The following SLC16A7 variants were observed in gnomAD, a reference collection of about 807,000 sequenced individuals.
The protein encoded by SLC16A7 is monocarboxylate transporter 2.
A neutral mutation model predicts 34.9 loss-of-function variants in SLC16A7; 33 were observed. The observed-to-expected ratio is 0.94, with a 90% confidence interval of 0.72 to 1.26. The LOEUF is 1.26. Among genes scored for constraint, SLC16A7 ranks in the 50% most tolerant of loss-of-function variants. The pLI is 0.00. For missense variants in SLC16A7, 573 were observed against 578.1 expected, an observed-to-expected ratio of 0.99 and a Z score of 0.09; for synonymous variants, 201 against 206.6, an observed-to-expected ratio of 0.97 and a Z score of 0.23.
chr12:59,644,839 T>A (rs1880838785), intron 1 of SLC16A7, among the ~76,000 whole-genome samples: 1 of 152,214 alleles, frequency 6.6e-6, no homozygotes, highest in Non-Finnish European at 1.5e-5. Context: ...TTTGTAATTA[T>A]CTGCAAACCT....
intron 5 of SLC16A7, among the ~76,000 whole-genome samples, chr12:59,776,497 A>C (rs1284626121): frequency 6.6e-6 from 1 of 152,188 alleles, no homozygotes; most frequent in Non-Finnish European, 1.5e-5. Flanking sequence ...TACCGGACTT[A>C]AGTATTCACT....
rs938724504 is a variant in SLC16A7, at chr12:59,784,758, A to G, written c.*5079A>G. 74 of 152,244 alleles carry G rather than the reference A, an allele frequency of 4.9e-4. No homozygotes were observed. Among genetic ancestry groups the G allele is most frequent in the African/African-American group, 1.5e-3 (63 of 41,470 alleles). 9.4% of individuals were successfully genotyped at this position (152,244 alleles called of 1,614,324 possible). On this transcript the variant is annotated 3_prime_UTR_variant, in exon 6 of 6. Transcript: ENST00000547379. ...AAAGTCAGCCATGATGCACATATTT[A>G]TAATTACATACACATATAATTGAAT...
Position 59,779,662 on chromosome 12 carries a change from AG to A in SLC16A7, c.1421del (p.Arg474LysfsTer20), listed in dbSNP as rs1323929914. ...AAATGCACAGAGTGTAACCTCAGAAAGAGAAACTAACATTTAACAAGAATCA... is the reference window on the plus strand; with the variant it reads ...AAATGCACAGAGTGTAACCTCAGAAAAGAAACTAACATTTAACAAGAATCA... ...VSNAQSVTSE[R>X]ETNI On this transcript the variant is annotated frameshift_variant, in exon 6 of 6. Transcript: ENST00000547379. LOFTEE classifies it high-confidence loss of function. 6.2e-7 allele frequency: 1 copy of A among 1,609,436 alleles called. No homozygotes were observed. Among genetic ancestry groups the A allele is most frequent in the Non-Finnish European group, 8.5e-7 (1 of 1,177,202 alleles).
At chr12:59,671,239 T>C (rs1869656003) in intron 2 of SLC16A7, among the ~76,000 whole-genome samples, 1 of 152,202 alleles carries the variant, frequency 6.6e-6, no homozygotes. Context: ...TTAGTCCTTT[T>C]AGAAAACCAC....
At position 59,771,239 on chromosome 12, in the gene SLC16A7, G is replaced by C. The variant is rs1428095096; in HGVS notation, c.238G>C (p.Val80Leu). The change falls in exon 4 of 6, where the codon GTG becomes CTG. Residue 80 changes from valine (V) to leucine (L), a missense_variant. Val to Leu is a conservative substitution (Grantham distance 32). Coordinates refer to ENST00000547379, the MANE Select transcript of SLC16A7 (RefSeq NM_001270623.2). ...YAGGPVSSVL[V>L]NKYGSRPVVI... ...TGTAGGTCCTGTAAGTAGTGTTTTG[G>C]TGAATAAATACGGCAGCCGGCCGGT... 2 of 1,612,934 alleles carry C rather than the reference G, an allele frequency of 1.2e-6. No homozygotes were observed. Among genetic ancestry groups the C allele is most frequent in the African/African-American group, 2.7e-5 (2 of 74,828 alleles).
At chr12:59,632,266 C>T (rs1880216952) in intron 1 of SLC16A7, among the ~76,000 whole-genome samples, 1 of 151,932 alleles carries the variant, frequency 6.6e-6, no homozygotes, top group Non-Finnish European at 1.5e-5. Context: ...GCACTTTTAA[C>T]AAAGTATGAT....
In SLC16A7 at chr12:59,633,594, G is replaced by A. The variant is rs150212648; in HGVS notation, c.-129-21558G>A. The stretch of plus-strand genomic sequence containing the variant: ...TTCAGCTTCATAGCTCACTGTATTA[G>A]TCCATTTTTACACTGCTATAAGTAA... On this transcript the variant is annotated intron_variant, in intron 1 of 5. Transcript: ENST00000547379. 1.6e-4 allele frequency among the ~76,000 whole-genome samples: 24 copies of A among 151,554 alleles called. No individual in the cohort carries two copies. The South Asian group carries it at 2.1e-3, about 13-fold the overall frequency.
At chr12:59,774,308 C>G (rs551452385) in intron 4 of SLC16A7, among the ~76,000 whole-genome samples, 1 of 152,098 alleles carries the variant, frequency 6.6e-6, no homozygotes, top group East Asian at 1.9e-4. Flanking sequence ...AAGTATATGT[C>G]AAGAGGAAAG....
chr12:59,606,192 A>G (rs1296445833), intron 1 of SLC16A7, among the ~76,000 whole-genome samples: 1 of 152,206 alleles, frequency 6.6e-6, no homozygotes, highest in Non-Finnish European at 1.5e-5. Context: ...TCTTTTCAAG[A>G]TGGATAAAAT....
intron 1 of SLC16A7, among the ~76,000 whole-genome samples, chr12:59,614,947 G>T (rs1461265194): frequency 6.6e-6 from 1 of 151,072 alleles, no homozygotes; most frequent in East Asian, 1.9e-4. Flanking sequence ...AGTTTGCAGT[G>T]AGCCGAGATC....
At chr12:59,696,868 G>A (rs527524461) in intron 2 of SLC16A7, among the ~76,000 whole-genome samples, 6 of 151,982 alleles carry the variant, frequency 3.9e-5, no homozygotes, top group South Asian at 2.1e-4. Flanking sequence ...TGTGAGTGGC[G>A]CCTTGCACCC....
At chr12:59,770,880 T>G (rs1882155894) in intron 3 of SLC16A7, among the ~76,000 whole-genome samples, 1 of 152,224 alleles carries the variant, frequency 6.6e-6, no homozygotes, top group Non-Finnish European at 1.5e-5. Flanking sequence ...TTTTGTTACA[T>G]AAATTTACTT....
Position 59,785,775 on chromosome 12 carries a change from A to G in SLC16A7, c.*6096A>G, listed in dbSNP as rs1267162662. On this transcript the variant is annotated 3_prime_UTR_variant, in exon 6 of 6. Transcript: ENST00000547379. ...TCAGTAAATATTTTTCACATGATCA[A>G]ACAGGATTTTTTGTTTCTTTTTAAT... 6.6e-6 allele frequency: 1 copy of G among 152,162 alleles called. No homozygotes were observed. Among genetic ancestry groups the G allele is most frequent in the Non-Finnish European group, 1.5e-5 (1 of 68,022 alleles). 9.4% of individuals were successfully genotyped at this position (152,162 alleles called of 1,614,324 possible).
intron 3 of SLC16A7, among the ~76,000 whole-genome samples, chr12:59,720,605 T>C (rs1875462552): frequency 6.6e-6 from 1 of 152,086 alleles, no homozygotes; most frequent in Admixed American, 6.6e-5. Context: ...GCAATAGCTA[T>C]CATCACCATT....
intron 3 of SLC16A7, chr12:59,764,113 A>G (rs953127438): frequency 3.3e-5 from 5 of 152,214 alleles, no homozygotes; most frequent in African/African-American, 1.2e-4. Flanking sequence ...TGCTGAAAGC[A>G]CAGGCTGAAA....
chr12:59,685,099 A>G (rs529815541), intron 2 of SLC16A7, among the ~76,000 whole-genome samples: 2 of 152,246 alleles, frequency 1.3e-5, no homozygotes, highest in African/African-American at 4.8e-5. Flanking sequence ...GTTTAGGATG[A>G]TGGTTCTTTC....
chr12:59,774,496 T>C (rs1882536455), intron 4 of SLC16A7, among the ~76,000 whole-genome samples, 161 bp from the exon 5 acceptor site: 1 of 152,190 alleles, frequency 6.6e-6, no homozygotes, highest in Non-Finnish European at 1.5e-5. Context: ...GAAAACCTTA[T>C]TGTTTTGTGC....
intron 2 of SLC16A7, among the ~76,000 whole-genome samples, chr12:59,673,615 C>G (rs1180043731): frequency 1.3e-5 from 2 of 151,986 alleles, no homozygotes; most frequent in Non-Finnish European, 2.9e-5. Context: ...AAAACTGTCT[C>G]ATATAACCCA....
intron 2 of SLC16A7, among the ~76,000 whole-genome samples, chr12:59,674,420 A>C (rs1030645917): frequency 6.6e-6 from 1 of 152,214 alleles, no homozygotes; most frequent in African/African-American, 2.4e-5. Flanking sequence ...TCTTCTCACA[A>C]AACTTTGTTG....
Sources: gnomAD v4.1 joint callset for allele counts (sites outside exome capture counted in the v4.1 genomes callset) on GRCh38, gnomAD v4.1.1 for gene constraint, MANE v1.5 for transcripts, NCBI Gene and HGNC (gene_info 2026-07-23, HGNC 2026-07-21) for gene names.